UTP20: variants seen among roughly 807,000 people sequenced by gnomAD.
The protein encoded by UTP20 is UTP20 small subunit processome component.
UTP20 carries 164 observed loss-of-function variants against 329.5 expected under a neutral mutation model. That is an observed-to-expected ratio of 0.50 (90% CI 0.44 to 0.57). UTP20 has a LOEUF of 0.57. Ranked by LOEUF, UTP20 falls within the 20% of genes least tolerant of loss-of-function variation. The probability of loss-of-function intolerance (pLI) is 0.00; values close to 1 mark genes in which losing one functional copy is unlikely to be tolerated. For synonymous variants in UTP20, 1,151 were observed against 1,159.3 expected (o/e 0.99, Z 0.14); for missense variants, 3,055 against 3,284.2 (o/e 0.93, Z 1.71).
At chr12:101,342,755 A>G in intron 33 of UTP20, 32 bp from the exon 34 acceptor site, 1 of 1,598,994 alleles carries the variant, frequency 6.3e-7, no homozygotes, top group African/African-American at 1.3e-5. Context: ...AGTTTTATTC[A>G]CTGATAAATA....
At chr12:101,316,804 G>C (rs1228222188) in intron 21 of UTP20, among the ~76,000 whole-genome samples, 1 of 152,144 alleles carries the variant, frequency 6.6e-6, no homozygotes, top group East Asian at 1.9e-4. Context: ...CAGACTTCAA[G>C]ATAATATTCA....
intron 57 of UTP20, 41 bp from the exon 58 acceptor site, chr12:101,381,099 G>A (rs751289542): frequency 6.7e-7 from 1 of 1,498,520 alleles, no homozygotes; most frequent in African/African-American, 1.4e-5. Flanking sequence ...AATCAGAAAT[G>A]TCCTGTGTTT....
rs1284816652 is a variant in UTP20, at chr12:101,306,026, T to C, written c.1893T>C (p.Phe631=). The C allele has an allele frequency of 7.4e-6, 12 of 1,613,616 alleles. No individual in the cohort carries two copies. In the Middle Eastern group the frequency reaches 4.9e-4, roughly 67 times the overall value. The change falls in exon 16 of 62, where the codon TTT becomes TTC. Residue 631 remains phenylalanine, a synonymous_variant. Coordinates refer to ENST00000261637, the MANE Select transcript of UTP20 (RefSeq NM_014503.3). ...CCCAGGAGGCTTTAATGGAATTATT[T>C]CCCAAGTTACAAGCAAACATTTCAA... is the stretch of plus-strand genomic sequence containing the variant. ...PLSQEALMEL[F]PKLQANISTG...
At chr12:101,342,641 A>G in intron 33 of UTP20, 52 bp downstream of exon 33, 1 of 1,568,216 alleles carries the variant, frequency 6.4e-7, no homozygotes. Flanking sequence ...AAATGTAATT[A>G]TGACTTGTAA....
chr12:101,322,707 C>T (rs1277215541), intron 25 of UTP20, among the ~76,000 whole-genome samples: 1 of 152,204 alleles, frequency 6.6e-6, no homozygotes, highest in Admixed American at 6.5e-5. Flanking sequence ...AGGGACTCTG[C>T]TAGCACTTAT....
intron 17 of UTP20, among the ~76,000 whole-genome samples, chr12:101,307,000 C>T (rs1260215985): frequency 6.6e-6 from 1 of 151,724 alleles, no homozygotes; most frequent in Non-Finnish European, 1.5e-5. Flanking sequence ...GGTGAAACTC[C>T]GTCTCTACCA....
At chr12:101,356,742 CT>C in intron 42 of UTP20, 49 bp downstream of exon 42, 2 of 1,571,070 alleles carry the variant, frequency 1.3e-6, no homozygotes, top group Non-Finnish European at 1.7e-6. Context: ...AAAATTGGTT[CT>C]TTTCTTCCTT....
chr12:101,345,840 G>A, intron 37 of UTP20, 146 bp downstream of exon 37: 3 of 729,656 alleles, frequency 4.1e-6, no homozygotes, highest in Non-Finnish European at 6.4e-6. Context: ...ATTGAAATTT[G>A]TGTTAAGATG....
Position 101,319,528 on chromosome 12 carries a change from GT to G in UTP20, c.2739-13del, listed in dbSNP as rs1873079761. ...ATTCTTTAATTCTGTAACACTCTCT[GT>G]TTTGTTTTTGTTTAGGCAATTAATT... is the stretch of plus-strand genomic sequence containing the variant. On this transcript the variant is annotated splice_polypyrimidine_tract_variant and intron_variant, in intron 22 of 61. Coordinates refer to ENST00000261637, the MANE Select transcript of UTP20 (RefSeq NM_014503.3). The G allele has an allele frequency of 6.3e-7, 1 of 1,576,092 alleles. No individual in the cohort carries two copies. The highest frequency in any genetic ancestry group is 8.6e-7 in the Non-Finnish European group (1 of 1,161,522).
chr12:101,374,515 G>T (rs1870409111), intron 54 of UTP20, among the ~76,000 whole-genome samples: 1 of 152,096 alleles, frequency 6.6e-6, no homozygotes, highest in South Asian at 2.1e-4. Context: ...TTAATGTGGG[G>T]TGGGCATGAG....
intron 49 of UTP20, 42 bp downstream of exon 49, chr12:101,369,933 G>T (rs1870230358): frequency 1.3e-6 from 2 of 1,595,912 alleles, no homozygotes; most frequent in African/African-American, 2.7e-5. Flanking sequence ...CCAGGATGGA[G>T]CTGGATGCAA....
At chr12:101,298,440 A>G (rs1220296979) in intron 12 of UTP20, among the ~76,000 whole-genome samples, 1 of 152,098 alleles carries the variant, frequency 6.6e-6, no homozygotes, top group South Asian at 2.1e-4. Flanking sequence ...AACTGCAAAG[A>G]CTCTGGGACA....
In UTP20 at chr12:101,374,273, A is replaced by AC. The variant is rs1457027660; in HGVS notation, c.7131+509dup. 5.9e-5 allele frequency among the ~76,000 whole-genome samples: 9 copies of AC among 152,192 alleles called. No homozygotes were observed. In the South Asian group the frequency reaches 1.7e-3, roughly 28 times the overall value. ...ATAAATAAAAAGTAATATAAAAATC[A>AC]CCCGTATTCCTACTATGTTATTGTT... On this transcript the variant is annotated intron_variant, in intron 54 of 61. Coordinates refer to ENST00000261637, the MANE Select transcript of UTP20 (RefSeq NM_014503.3).
chr12:101,306,901 C>T (rs939148335), intron 17 of UTP20, 140 bp downstream of exon 17: 14 of 767,560 alleles, frequency 1.8e-5, no homozygotes, highest in East Asian at 6.5e-5. Flanking sequence ...TGGCTGGGCG[C>T]GGTGGCTCAC....
At chr12:101,326,287 C>G (rs1007888316) in intron 25 of UTP20, among the ~76,000 whole-genome samples, 4 of 152,104 alleles carry the variant, frequency 2.6e-5, no homozygotes, top group African/African-American at 9.7e-5. Context: ...TGTTTGTAAG[C>G]AAGATTGGCA....
At chr12:101,379,269 C>G in intron 56 of UTP20, 102 bp from the exon 57 acceptor site, 1 of 1,074,474 alleles carries the variant, frequency 9.3e-7, no homozygotes, top group South Asian at 2.3e-5. Context: ...CTTTGGTTCC[C>G]CACTCCAAAC....
intron 5 of UTP20, among the ~76,000 whole-genome samples, chr12:101,287,208 CTT>C (rs1252659516): frequency 6.6e-6 from 1 of 152,164 alleles, no homozygotes; most frequent in Non-Finnish European, 1.5e-5. Context: ...GGACAATAGA[CTT>C]TGTTTTATGC....
At chr12:101,357,213 C>A in intron 43 of UTP20, 131 bp downstream of exon 43, 1 of 764,208 alleles carries the variant, frequency 1.3e-6, no homozygotes. Flanking sequence ...CAGTAATATT[C>A]AAAAGTTTCC....
intron 22 of UTP20, 93 bp downstream of exon 22, chr12:101,317,756 G>C: frequency 7.7e-7 from 1 of 1,295,804 alleles, no homozygotes; most frequent in Non-Finnish European, 1.0e-6. Context: ...CAACTACTCA[G>C]ATAATTATTT....
Sources: gnomAD v4.1 joint callset for allele counts (sites outside exome capture counted in the v4.1 genomes callset) on GRCh38, gnomAD v4.1.1 for gene constraint, MANE v1.5 for transcripts, NCBI Gene and HGNC (gene_info 2026-07-23, HGNC 2026-07-21) for gene names.